THSD7B: variants seen among roughly 807,000 people sequenced by gnomAD.
The protein encoded by THSD7B is thrombospondin type-1 domain-containing protein 7B.
Under a neutral mutation model 213.6 loss-of-function variants are expected in THSD7B, and 138 were observed. The ratio of observed to expected loss-of-function variants is 0.65; its 90% CI spans 0.56 to 0.74. The LOEUF (loss-of-function observed/expected upper bound fraction) is 0.74, where lower values mean the gene tolerates loss of function less well. Among genes scored for constraint, THSD7B ranks in the 30% least tolerant of loss-of-function variants. The probability of loss-of-function intolerance (pLI) is 0.00; values close to 1 mark genes in which losing one functional copy is unlikely to be tolerated. For missense variants in THSD7B, 1,931 were observed against 1,991.5 expected (o/e 0.97, Z 0.58); for synonymous variants, 742 against 687.0 (o/e 1.08, Z -1.25).
intron 15 of THSD7B, among the ~76,000 whole-genome samples, chr2:137,494,814 A>G (rs1256323050): frequency 3.3e-5 from 5 of 152,182 alleles, no homozygotes; most frequent in African/African-American, 1.2e-4. Context: ...ATCTAGAATT[A>G]CATGCAAACA....
chr2:137,010,353 C>G, intron 2 of THSD7B, among the ~76,000 whole-genome samples: 1 of 152,192 alleles, frequency 6.6e-6, no homozygotes. Context: ...AGAATCTCAT[C>G]TTCACCTCTC....
At chr2:137,229,700 G>A (rs72844391) in intron 7 of THSD7B, among the ~76,000 whole-genome samples, 42,434 of 151,932 alleles carry the variant, frequency 0.28, 6,647 homozygotes, top group Non-Finnish European at 0.35. Context: ...CAGAGGGTTC[G>A]GATTTGCTCC....
At chr2:137,333,818 C>T (rs567427448) in intron 12 of THSD7B, among the ~76,000 whole-genome samples, 1 of 152,190 alleles carries the variant, frequency 6.6e-6, no homozygotes, top group Non-Finnish European at 1.5e-5. Flanking sequence ...CCTAATGCTA[C>T]AGCAGCCACA....
At chr2:137,402,929 G>A (rs1444675135) in intron 12 of THSD7B, among the ~76,000 whole-genome samples, 1 of 151,318 alleles carries the variant, frequency 6.6e-6, no homozygotes, top group East Asian at 1.9e-4. Flanking sequence ...AAATTAACTT[G>A]GCAAGATAAA....
chr2:137,013,496 A>G (rs1256209629), intron 2 of THSD7B, among the ~76,000 whole-genome samples: 2 of 152,190 alleles, frequency 1.3e-5, no homozygotes, highest in Non-Finnish European at 2.9e-5. Flanking sequence ...CAGAGAGAGG[A>G]AGTTCCAGAG....
chr2:137,283,640 G>T (rs1380047227), intron 12 of THSD7B, among the ~76,000 whole-genome samples: 1 of 152,158 alleles, frequency 6.6e-6, no homozygotes, highest in Non-Finnish European at 1.5e-5. Context: ...GGCCTTTTCT[G>T]CATCTGTTGA....
rs140606660 is a variant in THSD7B, at chr2:136,860,773, C to T, written c.-35-21371C>T. On this transcript the variant is annotated intron_variant, in intron 1 of 27. Coordinates refer to ENST00000409968, the MANE Select transcript of THSD7B (RefSeq NM_001316349.2). ...TGCTAAAATGTAAGTCACATGACGT[C>T]ACTGTTCTGTTCAAAATACTCCAGA... 1.7e-3 allele frequency among the ~76,000 whole-genome samples: 253 copies of T among 152,344 alleles called. 2 individuals are homozygous for T. Among genetic ancestry groups the T allele is most frequent in the Non-Finnish European group, 3.0e-3 (207 of 68,030 alleles).
intron 7 of THSD7B, among the ~76,000 whole-genome samples, chr2:137,179,567 T>TG (rs973348775): frequency 3.3e-5 from 5 of 150,664 alleles, no homozygotes; most frequent in Middle Eastern, 3.4e-3. Flanking sequence ...GGAAATATAG[T>TG]GGGGAAAAAA....
At chr2:137,055,446 A>G (rs932750199) in intron 2 of THSD7B, among the ~76,000 whole-genome samples, 1 of 152,240 alleles carries the variant, frequency 6.6e-6, no homozygotes, top group Admixed American at 6.5e-5. Context: ...GAAAGAGAAG[A>G]AACTATTTTT....
chr2:137,275,726 C>T (rs1682854177), intron 11 of THSD7B, among the ~76,000 whole-genome samples, 197 bp from the exon 12 acceptor site: 3 of 152,048 alleles, frequency 2.0e-5, no homozygotes, highest in Admixed American at 2.0e-4. Flanking sequence ...TGAATTACTG[C>T]CTAAATCATG....
intron 15 of THSD7B, among the ~76,000 whole-genome samples, chr2:137,457,360 G>A (rs1687783435): frequency 6.6e-6 from 1 of 152,166 alleles, no homozygotes; most frequent in African/African-American, 2.4e-5. Flanking sequence ...CCTCTAGAAT[G>A]TTCTCTTCTA....
At position 137,398,171 on chromosome 2, in the gene THSD7B, G is replaced by A. The variant is rs1413396072; in HGVS notation, c.2501-7442G>A. 2.0e-5 allele frequency among the ~76,000 whole-genome samples: 3 copies of A among 150,164 alleles called. No individual in the cohort carries two copies. In the South Asian group the frequency reaches 6.4e-4, roughly 32 times the overall value. ...TGAAGCCTTCTCTCAGCTCGTCAAA[G>A]TCATTCTCCATCCAGCTTTGTTCCG... On this transcript the variant is annotated intron_variant, in intron 12 of 27. Transcript: ENST00000409968.
At chr2:137,360,717 G>A (rs1685236317) in intron 12 of THSD7B, among the ~76,000 whole-genome samples, 1 of 152,164 alleles carries the variant, frequency 6.6e-6, no homozygotes, top group Non-Finnish European at 1.5e-5. Flanking sequence ...TCTCGAACTG[G>A]GTGGAACCAA....
chr2:137,338,755 A>G (rs1162069150), intron 12 of THSD7B, among the ~76,000 whole-genome samples: 1 of 152,104 alleles, frequency 6.6e-6, no homozygotes, highest in Non-Finnish European at 1.5e-5. Context: ...TTTGAATCTG[A>G]CACACTAAGA....
chr2:137,331,402 C>G (rs1348580864), intron 12 of THSD7B, among the ~76,000 whole-genome samples: 3 of 152,126 alleles, frequency 2.0e-5, no homozygotes, highest in African/African-American at 7.2e-5. Flanking sequence ...TTGGTGCACT[C>G]ACAAACCCTG....
At chr2:137,383,681 C>A (rs897007329) in intron 12 of THSD7B, among the ~76,000 whole-genome samples, 1 of 152,094 alleles carries the variant, frequency 6.6e-6, no homozygotes, top group Non-Finnish European at 1.5e-5. Flanking sequence ...GTATAATTAC[C>A]CTGCTAACAC....
chr2:137,268,531 G>A (rs1405984400), intron 10 of THSD7B, among the ~76,000 whole-genome samples: 1 of 152,084 alleles, frequency 6.6e-6, no homozygotes, highest in Admixed American at 6.6e-5. Flanking sequence ...GACCATGTAG[G>A]GTAGCTTCCT....
rs1473598196 is a variant in THSD7B at position 137,640,986 on chromosome 2, A to G, written c.3800-1502A>G. On this transcript the variant is annotated intron_variant, in intron 20 of 27. Transcript: ENST00000409968. Reference sequence around the variant, plus strand: ...CAAATCTATGATAATATTCTGGTGGACAGTAAGAGGTCTAGTTCTTTGAAA... The same window carrying G: ...CAAATCTATGATAATATTCTGGTGGGCAGTAAGAGGTCTAGTTCTTTGAAA... 2.0e-5 allele frequency among the ~76,000 whole-genome samples: 3 copies of G among 152,220 alleles called. No individual in the cohort carries two copies. The East Asian group carries it at 5.8e-4, about 29-fold the overall frequency.
chr2:136,944,658 T>A (rs1220360432), intron 2 of THSD7B, among the ~76,000 whole-genome samples: 2 of 152,168 alleles, frequency 1.3e-5, no homozygotes, highest in Admixed American at 1.3e-4. Flanking sequence ...TTGTCTCTTT[T>A]GAACTTTGTT....
Sources: allele counts gnomAD v4.1 joint callset (sites outside exome capture counted in the v4.1 genomes callset), GRCh38; gene constraint gnomAD v4.1.1; transcripts MANE v1.5; gene names NCBI Gene and HGNC (gene_info 2026-07-23, HGNC 2026-07-21).